Variants in MAGI2 observed in about 807,000 individuals in gnomAD.
The protein encoded by MAGI2 is membrane associated guanylate kinase, WW and PDZ domain containing 2.
In MAGI2, 35 loss-of-function variants were observed where a neutral mutation model predicts 133.3. That is an observed-to-expected ratio of 0.26 (90% confidence interval 0.20 to 0.35). MAGI2 has a LOEUF of 0.35. Ranked by LOEUF, MAGI2 falls within the 10% of genes least tolerant of loss-of-function variation. The probability of loss-of-function intolerance (pLI) is 1.00; values close to 1 mark genes in which losing one functional copy is unlikely to be tolerated. For missense variants in MAGI2, 1,636 were observed against 1,863.4 expected (o/e 0.88, Z 2.25); for synonymous variants, 729 against 710.6 (o/e 1.03, Z -0.41).
At chr7:79,428,450 A>T (rs1229402112) in intron 1 of MAGI2, among the ~76,000 whole-genome samples, 1 of 152,134 alleles carries the variant, frequency 6.6e-6, no homozygotes, top group East Asian at 1.9e-4. Flanking sequence ...TACCTTCATG[A>T]CCACTGTTGA....
intron 1 of MAGI2, among the ~76,000 whole-genome samples, chr7:79,295,256 T>A (rs1323673390): frequency 1.3e-5 from 2 of 152,154 alleles, no homozygotes; most frequent in African/African-American, 4.8e-5. Flanking sequence ...ATTTTATATG[T>A]CCTCATGCCC....
intron 21 of MAGI2, among the ~76,000 whole-genome samples, chr7:78,045,229 G>T (rs1811301345): frequency 6.6e-6 from 1 of 150,948 alleles, no homozygotes. Context: ...TAAATCTAAG[G>T]ATGTACTTAA....
chr7:78,211,678 T>C (rs1252138014), intron 10 of MAGI2, among the ~76,000 whole-genome samples: 1 of 152,248 alleles, frequency 6.6e-6, no homozygotes, highest in African/African-American at 2.4e-5. Context: ...TGTTTGTTCA[T>C]TTAATGCTTT....
intron 1 of MAGI2, among the ~76,000 whole-genome samples, chr7:79,016,688 A>G (rs1808768515): frequency 6.6e-6 from 1 of 151,962 alleles, no homozygotes; most frequent in African/African-American, 2.4e-5. Context: ...GTGTGAGTGA[A>G]CCCCAACCCT....
At chr7:78,703,879 G>A (rs1818332716) in intron 2 of MAGI2, among the ~76,000 whole-genome samples, 1 of 150,900 alleles carries the variant, frequency 6.6e-6, no homozygotes, top group South Asian at 2.1e-4. Flanking sequence ...TAGAACTAGA[G>A]GAACAAAATT....
intron 2 of MAGI2, among the ~76,000 whole-genome samples, chr7:79,006,094 T>C (rs1481428982): frequency 6.6e-6 from 1 of 152,182 alleles, no homozygotes; most frequent in Non-Finnish European, 1.5e-5. Context: ...TCTGTGTGTT[T>C]TCATTATTTC....
chr7:78,102,651 A>G (rs149650387), intron 20 of MAGI2, among the ~76,000 whole-genome samples: 1 of 152,354 alleles, frequency 6.6e-6, no homozygotes, highest in East Asian at 1.9e-4. Flanking sequence ...ATAAGTAACC[A>G]AAGCAAAAGT....
intron 10 of MAGI2, chr7:78,254,686 A>G (rs1299776004): frequency 6.6e-6 from 1 of 152,228 alleles, no homozygotes. Context: ...ACCTGCAGAC[A>G]GGGCCAAATA....
chr7:79,093,674 T>TTCTTTCTCTTTC (rs367954400), intron 1 of MAGI2, among the ~76,000 whole-genome samples: 6 of 149,926 alleles, frequency 4.0e-5, no homozygotes, highest in Non-Finnish European at 5.9e-5. Flanking sequence ...CAATTTCTTT[T>TTCTTTCTCTTTC]TCTTTCTCTT....
At chr7:79,198,024 A>C (rs1828244150) in intron 1 of MAGI2, among the ~76,000 whole-genome samples, 1 of 151,882 alleles carries the variant, frequency 6.6e-6, no homozygotes, top group Admixed American at 6.6e-5. Flanking sequence ...AGGAGAGAGG[A>C]TCACTTGAGG....
At position 79,205,032 on chromosome 7, in the gene MAGI2, G is replaced by A. The variant is rs537806697; in HGVS notation, c.302-197826C>T. On this transcript the variant is annotated intron_variant, in intron 1 of 21. Transcript: ENST00000354212. ...AGTCACAGGAATTTCAGAAAGTGAAGAGAAAGATCAAGGGTTAGAAAGTTT... is the reference window on the plus strand; with the variant it reads ...AGTCACAGGAATTTCAGAAAGTGAAAAGAAAGATCAAGGGTTAGAAAGTTT... 9.9e-5 allele frequency among the ~76,000 whole-genome samples: 15 copies of A among 151,736 alleles called. 2 individuals carry two copies. Among genetic ancestry groups the A allele is most frequent in the African/African-American group, 3.1e-4 (13 of 41,310 alleles).
chr7:78,841,237 T>A (rs1792119285), intron 2 of MAGI2, among the ~76,000 whole-genome samples: 1 of 152,062 alleles, frequency 6.6e-6, no homozygotes, highest in Admixed American at 6.6e-5. Flanking sequence ...TGAAGTTGCC[T>A]TCATAATGAT....
At chr7:78,990,161 A>G (rs750841914) in intron 2 of MAGI2, among the ~76,000 whole-genome samples, 43 of 152,160 alleles carry the variant, frequency 2.8e-4, no homozygotes, top group Non-Finnish European at 4.7e-4. Flanking sequence ...GATAGATGCT[A>G]TTTTATTCCC....
At chr7:79,383,396 G>T (rs1843937739) in intron 1 of MAGI2, among the ~76,000 whole-genome samples, 1 of 151,582 alleles carries the variant, frequency 6.6e-6, no homozygotes, top group Non-Finnish European at 1.5e-5. Context: ...TTTAGGAAGG[G>T]TTCAGTAATA....
At chr7:78,656,989 TAAAAA>T (rs5885084) in intron 2 of MAGI2, among the ~76,000 whole-genome samples, 1 of 104,080 alleles carries the variant, frequency 9.6e-6, no homozygotes, top group Non-Finnish European at 2.0e-5. Flanking sequence ...AAACCCAGTA[TAAAAA>T]AAAAAAAAAA....
chr7:79,429,447 C>T (rs889748654), intron 1 of MAGI2, among the ~76,000 whole-genome samples: 18 of 151,960 alleles, frequency 1.2e-4, no homozygotes, highest in Non-Finnish European at 2.9e-5. Flanking sequence ...GGATTTCAGG[C>T]GTGTGCCACC....
chr7:78,191,524 T>C (rs1828210910), intron 12 of MAGI2, among the ~76,000 whole-genome samples: 1 of 152,228 alleles, frequency 6.6e-6, no homozygotes, highest in Non-Finnish European at 1.5e-5. Flanking sequence ...ATAACTTCTC[T>C]TGTGGAGTGC....
intron 1 of MAGI2, among the ~76,000 whole-genome samples, chr7:79,145,665 C>A (rs1822550407): frequency 6.6e-6 from 1 of 152,158 alleles, no homozygotes. Context: ...TTTTTAAAAG[C>A]CTACAGAGCA....
At chr7:79,300,678 G>A (rs777836331) in intron 1 of MAGI2, among the ~76,000 whole-genome samples, 1 of 152,192 alleles carries the variant, frequency 6.6e-6, no homozygotes, top group Non-Finnish European at 1.5e-5. Flanking sequence ...AGACTGTGGA[G>A]CAATTACTTG....
Sources: gnomAD v4.1 joint callset for allele counts (sites outside exome capture counted in the v4.1 genomes callset) on GRCh38, gnomAD v4.1.1 for gene constraint, MANE v1.5 for transcripts, NCBI Gene and HGNC (gene_info 2026-07-23, HGNC 2026-07-21) for gene names.